The following PDE4B variants were observed in gnomAD, a reference collection of about 807,000 sequenced individuals.
The protein encoded by PDE4B is phosphodiesterase 4B.
In PDE4B, 20 loss-of-function variants were observed where a neutral mutation model predicts 82.2. The observed-to-expected ratio is 0.24, with a 90% CI of 0.17 to 0.35. PDE4B has a LOEUF of 0.35. Among genes scored for constraint, PDE4B ranks in the 10% least tolerant of loss-of-function variants. The pLI, the probability that PDE4B is intolerant of heterozygous loss-of-function variation, is 1.00. For missense variants in PDE4B, 655 were observed against 907.2 expected (o/e 0.72, Z 3.57); for synonymous variants, 320 against 318.9 (o/e 1.00, Z -0.04).
At chr1:66,064,963 T>G in intron 3 of PDE4B, among the ~76,000 whole-genome samples, 1 of 151,938 alleles carries the variant, frequency 6.6e-6, no homozygotes, top group East Asian at 1.9e-4. Flanking sequence ...GGCTATAAAA[T>G]AAAAATTTCG....
chr1:66,148,601 T>G (rs1570344653), intron 3 of PDE4B, among the ~76,000 whole-genome samples: 1 of 152,172 alleles, frequency 6.6e-6, no homozygotes, highest in African/African-American at 2.4e-5. Context: ...AGTTTAAAAT[T>G]TTTGGGTATC....
At chr1:66,114,738 C>T (rs999544198) in intron 3 of PDE4B, among the ~76,000 whole-genome samples, 4 of 149,916 alleles carry the variant, frequency 2.7e-5, no homozygotes, top group African/African-American at 7.3e-5. Context: ...TGGGTTCAAG[C>T]GATTCTCCTG....
At chr1:66,246,386 G>A (rs1653311507) in intron 3 of PDE4B, among the ~76,000 whole-genome samples, 1 of 152,168 alleles carries the variant, frequency 6.6e-6, no homozygotes, top group Non-Finnish European at 1.5e-5. Context: ...CCGCTGAATT[G>A]GTATACAGGA....
chr1:65,805,646 A>G (rs983217279), intron 1 of PDE4B, among the ~76,000 whole-genome samples: 5 of 152,172 alleles, frequency 3.3e-5, no homozygotes, highest in Admixed American at 6.5e-5. Context: ...CATATCTTCC[A>G]ATATCTTCCT....
At chr1:66,332,428 C>T (rs1418716244) in intron 7 of PDE4B, 80 bp from the exon 8 acceptor site, 2 of 1,614,148 alleles carry the variant, frequency 1.2e-6, no homozygotes, top group Non-Finnish European at 1.7e-6. Flanking sequence ...GCACCGGAAT[C>T]AGCGGTGGTA....
chr1:65,829,208 A>T (rs1241162403), intron 1 of PDE4B, among the ~76,000 whole-genome samples: 1 of 152,256 alleles, frequency 6.6e-6, no homozygotes, highest in Non-Finnish European at 1.5e-5. Flanking sequence ...AAGAAATATT[A>T]TCAGAGACAA....
chr1:66,229,748 T>TAA (rs369519986), intron 3 of PDE4B, among the ~76,000 whole-genome samples: 3 of 149,008 alleles, frequency 2.0e-5, no homozygotes, highest in African/African-American at 7.4e-5. Context: ...CTCGTGTGGC[T>TAA]AAAAAAAAAA....
intron 7 of PDE4B, among the ~76,000 whole-genome samples, chr1:66,307,476 GTGGA>G (rs554032949): frequency 6.6e-5 from 10 of 152,310 alleles, no homozygotes; most frequent in Admixed American, 6.5e-4. Flanking sequence ...AAGTGGTGAA[GTGGA>G]TGGAATTCAA....
At chr1:66,220,813 C>T (rs974078470) in intron 3 of PDE4B, among the ~76,000 whole-genome samples, 8 of 151,998 alleles carry the variant, frequency 5.3e-5, no homozygotes, top group African/African-American at 1.7e-4. Context: ...GTCTCTTGAA[C>T]AAGAGAAGTT....
intron 3 of PDE4B, among the ~76,000 whole-genome samples, chr1:66,013,134 A>G (rs1480965647): frequency 1.3e-5 from 2 of 152,138 alleles, no homozygotes; most frequent in Non-Finnish European, 2.9e-5. Flanking sequence ...TTATCTTCCC[A>G]GAATTGAATT....
At chr1:66,271,971 C>T (rs1233695858) in intron 7 of PDE4B, among the ~76,000 whole-genome samples, 3 of 152,214 alleles carry the variant, frequency 2.0e-5, no homozygotes, top group African/African-American at 7.2e-5. Context: ...ATCTATGAAT[C>T]AACCTTTTTG....
At chr1:66,174,955 G>T (rs1327178759) in intron 3 of PDE4B, among the ~76,000 whole-genome samples, 1 of 152,180 alleles carries the variant, frequency 6.6e-6, no homozygotes, top group African/African-American at 2.4e-5. Flanking sequence ...AGGAGAGAGA[G>T]AGGGAGGAGG....
intron 1 of PDE4B, among the ~76,000 whole-genome samples, chr1:65,828,742 C>G (rs1336070660): frequency 1.3e-5 from 2 of 151,996 alleles, no homozygotes; most frequent in African/African-American, 4.8e-5. Context: ...TAAAGGTTGA[C>G]TTATTTTGTT....
chr1:66,368,951 T>A lies in PDE4B; in HGVS notation c.1827T>A (p.Ala609=). The A allele has an allele frequency of 6.2e-7, 1 of 1,606,482 alleles. No homozygotes were observed. The highest frequency in any genetic ancestry group is 8.5e-7 in the Non-Finnish European group (1 of 1,176,132). The change falls in exon 16 of 17, where the codon GCT becomes GCA. Residue 609 remains alanine, a synonymous_variant. Coordinates refer to ENST00000341517, the MANE Select transcript of PDE4B (RefSeq NM_002600.4). Reference sequence around the variant, plus strand: ...GCCCAATGTGTGATAAACACACAGCTTCTGTGGAAAAATCCCAGGTATCTA... The same window carrying A: ...GCCCAATGTGTGATAAACACACAGCATCTGTGGAAAAATCCCAGGTATCTA... The part of the protein sequence containing the change: ...EISPMCDKHT[A]SVEKSQVGFI...
intron 1 of PDE4B, among the ~76,000 whole-genome samples, chr1:65,845,865 G>T (rs1381227253): frequency 6.6e-6 from 1 of 152,106 alleles, no homozygotes; most frequent in Non-Finnish European, 1.5e-5. Context: ...GAAACCATGA[G>T]AACTCCTCCA....
At chr1:65,884,404 G>A (rs940025165) in intron 1 of PDE4B, among the ~76,000 whole-genome samples, 3 of 151,742 alleles carry the variant, frequency 2.0e-5, no homozygotes, top group African/African-American at 7.3e-5. Context: ...ATGTGTCCAG[G>A]AATCCTAAGC....
intron 8 of PDE4B, among the ~76,000 whole-genome samples, chr1:66,343,096 T>A (rs915336539): frequency 2.6e-5 from 4 of 151,892 alleles, no homozygotes; most frequent in Non-Finnish European, 5.9e-5. Flanking sequence ...AAAACTAAAA[T>A]GGAGATTTTA....
chr1:66,328,940 A>C (rs1186704393), intron 7 of PDE4B, among the ~76,000 whole-genome samples: 1 of 152,222 alleles, frequency 6.6e-6, no homozygotes, highest in Non-Finnish European at 1.5e-5. Flanking sequence ...AAGAGGTTGC[A>C]GTACCCTTAG....
intron 3 of PDE4B, among the ~76,000 whole-genome samples, chr1:66,000,007 G>T (rs1451425749): frequency 1.3e-5 from 2 of 152,116 alleles, no homozygotes; most frequent in Non-Finnish European, 2.9e-5. Flanking sequence ...GATATTGCAG[G>T]TATAGATTTA....
Sources: gnomAD v4.1 joint callset for allele counts (sites outside exome capture counted in the v4.1 genomes callset) on GRCh38, gnomAD v4.1.1 for gene constraint, MANE v1.5 for transcripts, NCBI Gene and HGNC (gene_info 2026-07-23, HGNC 2026-07-21) for gene names.